Variants in CTNNA1 observed in about 807,000 individuals in gnomAD.
The protein encoded by CTNNA1 is catenin alpha-1.
In CTNNA1, 37 loss-of-function variants were observed where a neutral mutation model predicts 98.4. The ratio of observed to expected loss-of-function variants is 0.38; its 90% CI spans 0.29 to 0.49. CTNNA1 has a LOEUF of 0.49. Ranked by LOEUF, CTNNA1 falls within the 20% of genes least tolerant of loss-of-function variation. The pLI is 0.95. For synonymous variants in CTNNA1, 404 were observed against 413.2 expected (o/e 0.98, Z 0.27); for missense variants, 761 against 1,147.2 (o/e 0.66, Z 4.86).
chr5:138,789,988 C>T (rs573216810), intron 3 of CTNNA1, among the ~76,000 whole-genome samples: 79 of 152,232 alleles, frequency 5.2e-4, no homozygotes, highest in African/African-American at 1.8e-3. Context: ...TAAGAAGTTC[C>T]ACCATCTGGG....
intron 1 of CTNNA1, among the ~76,000 whole-genome samples, chr5:138,757,278 T>G (rs928898447): frequency 6.6e-6 from 1 of 151,600 alleles, no homozygotes; most frequent in Admixed American, 6.6e-5. Context: ...AGGGGCCAGG[T>G]GAAGGGGAAT....
chr5:138,815,802 A>G (rs1028359028), intron 5 of CTNNA1, among the ~76,000 whole-genome samples: 1 of 151,940 alleles, frequency 6.6e-6, no homozygotes, highest in Non-Finnish European at 1.5e-5. Flanking sequence ...AGCCTCCTGA[A>G]AGAGAATTCA....
At chr5:138,792,026 T>C (rs1561530508) in intron 3 of CTNNA1, among the ~76,000 whole-genome samples, 1 of 152,112 alleles carries the variant, frequency 6.6e-6, no homozygotes, top group African/African-American at 2.4e-5. Flanking sequence ...TAGGGCATTG[T>C]TATAAAGAAA....
intron 7 of CTNNA1, among the ~76,000 whole-genome samples, chr5:138,863,382 AG>A (rs1443064953): frequency 1.3e-5 from 2 of 152,070 alleles, no homozygotes; most frequent in East Asian, 3.9e-4. Context: ...ACTACAGGCA[AG>A]TGTCACTACA....
chr5:138,895,779 A>G (rs1319946071), intron 9 of CTNNA1, among the ~76,000 whole-genome samples: 1 of 152,124 alleles, frequency 6.6e-6, no homozygotes, highest in Non-Finnish European at 1.5e-5. Context: ...GATACGTGCA[A>G]GTTGTCCATT....
rs1456655573 is a variant in CTNNA1 at position 138,930,920 on chromosome 5, C to T, written c.2283C>T (p.Arg761=). The T allele has an allele frequency of 1.9e-6, 3 of 1,612,718 alleles. No homozygotes were observed. The highest frequency in any genetic ancestry group is 1.7e-5 in the Admixed American group (1 of 59,998). Residue 761 remains arginine, a synonymous_variant, in exon 16 of 18, where the codon CGC becomes CGT. Transcript: ENST00000302763. ...GATCCAGGATGGACAAGCTTGGCCGCACCATTGCAGACCATGTAAGTGACA... is the reference window on the plus strand; with the variant it reads ...GATCCAGGATGGACAAGCTTGGCCGTACCATTGCAGACCATGTAAGTGACA... ...EAGSRMDKLG[R]TIADHCPDSA...
At chr5:138,818,974 A>G (rs1259328996) in intron 5 of CTNNA1, among the ~76,000 whole-genome samples, 1 of 152,134 alleles carries the variant, frequency 6.6e-6, no homozygotes, top group African/African-American at 2.4e-5. Context: ...TAAAGCCAGG[A>G]TCTGTGACTC....
intron 4 of CTNNA1, chr5:138,811,932 T>C (rs1758856058): frequency 3.1e-6 from 1 of 327,008 alleles, no homozygotes; most frequent in Admixed American, 4.5e-5. Context: ...AGGGAGACCG[T>C]GGGGAGAGGG....
At chr5:138,805,281 G>A (rs1368571947) in intron 3 of CTNNA1, among the ~76,000 whole-genome samples, 1 of 152,176 alleles carries the variant, frequency 6.6e-6, no homozygotes, top group Non-Finnish European at 1.5e-5. Context: ...TATCCACCTA[G>A]CAGTGGAATT....
At position 138,932,617 on chromosome 5, in the gene CTNNA1, C is replaced by T. The variant is rs1313676987; in HGVS notation, c.2338C>T (p.Leu780=). The change falls in exon 17 of 18, where the codon CTG becomes TTG. Residue 780 remains leucine (L), a synonymous_variant. Coordinates refer to ENST00000302763, the MANE Select transcript of CTNNA1 (RefSeq NM_001903.5). ...TTGCAAGCAGGACCTGCTGGCCTAC[C>T]TGCAACGCATCGCCCTCTACTGCCA... ...SACKQDLLAY[L]QRIALYCHQL... is the part of the protein sequence containing the mutation. 9 of 1,614,090 alleles carry T rather than the reference C, an allele frequency of 5.6e-6. No individual in the cohort carries two copies. The South Asian group carries it at 6.6e-5, about 12-fold the overall frequency.
chr5:138,784,785 T>G (rs565179006), intron 3 of CTNNA1, among the ~76,000 whole-genome samples: 1 of 152,330 alleles, frequency 6.6e-6, no homozygotes, highest in South Asian at 2.1e-4. Flanking sequence ...CCAGCAATTC[T>G]TAGCATTCCT....
At chr5:138,754,479 G>C (rs1240271125) in intron 1 of CTNNA1, 2 of 152,246 alleles carry the variant, frequency 1.3e-5, no homozygotes, top group African/African-American at 4.8e-5. Flanking sequence ...ATTTGGAAAA[G>C]AGCGAGATAT....
chr5:138,810,307 T>C, intron 4 of CTNNA1, 103 bp downstream of exon 4: 1 of 1,330,056 alleles, frequency 7.5e-7, no homozygotes, highest in South Asian at 1.3e-5. Flanking sequence ...GTTTTGAATT[T>C]GGTTTATCTC....
chr5:138,876,262 G>A (rs1581399287), intron 7 of CTNNA1, among the ~76,000 whole-genome samples: 1 of 152,166 alleles, frequency 6.6e-6, no homozygotes, highest in African/African-American at 2.4e-5. Flanking sequence ...AAATAATAGA[G>A]CATTTGCACC....
At chr5:138,783,712 T>C (rs1020408683) in intron 3 of CTNNA1, among the ~76,000 whole-genome samples, 16 of 152,182 alleles carry the variant, frequency 1.1e-4, no homozygotes, top group African/African-American at 3.6e-4. Context: ...GTAACACAAA[T>C]TGATAGGAAA....
At chr5:138,823,230 C>T (rs1760217096) in intron 5 of CTNNA1, among the ~76,000 whole-genome samples, 1 of 152,138 alleles carries the variant, frequency 6.6e-6, no homozygotes, top group Non-Finnish European at 1.5e-5. Flanking sequence ...ATACCCGCTT[C>T]CCATTCCCAT....
intron 5 of CTNNA1, among the ~76,000 whole-genome samples, chr5:138,817,952 T>TC (rs1759599031): frequency 3.3e-5 from 5 of 152,242 alleles, no homozygotes; most frequent in Middle Eastern, 3.4e-3. Context: ...AGTGGCATGA[T>TC]CTTGGCTCAT....
At chr5:138,815,048 T>G (rs4835703) in intron 5 of CTNNA1, among the ~76,000 whole-genome samples, 112,907 of 152,056 alleles carry the variant, frequency 0.74, 42,194 homozygotes, top group East Asian at 0.99. Flanking sequence ...CACCACACTC[T>G]GTCTGGAATT....
chr5:138,847,611 T>C (rs893288872), intron 7 of CTNNA1, among the ~76,000 whole-genome samples: 1 of 152,222 alleles, frequency 6.6e-6, no homozygotes, highest in African/African-American at 2.4e-5. Context: ...TTTCAGGCAC[T>C]GTGGCAGGAA....
Sources: gnomAD v4.1 joint callset for allele counts (sites outside exome capture counted in the v4.1 genomes callset) on GRCh38, gnomAD v4.1.1 for gene constraint, MANE v1.5 for transcripts, NCBI Gene and HGNC (gene_info 2026-07-23, HGNC 2026-07-21) for gene names.